Variants in LDB3 observed in about 807,000 individuals in gnomAD.
LDB3 encodes the protein LIM domain binding 3.
Under a neutral mutation model 69.0 loss-of-function variants are expected in LDB3, and 49 were observed. The observed-to-expected ratio is 0.71, with a 90% CI of 0.56 to 0.90. The LOEUF is 0.90. Among genes scored for constraint, LDB3 ranks in the 40% least tolerant of loss-of-function variants. LDB3 has a pLI of 0.00. For missense variants in LDB3, 928 were observed against 974.1 expected (o/e 0.95, Z 0.63); for synonymous variants, 387 against 396.2 (o/e 0.98, Z 0.28).
intron 2 of LDB3, among the ~76,000 whole-genome samples, chr10:86,670,805 C>T (rs1176111023): frequency 2.0e-5 from 3 of 152,226 alleles, no homozygotes; most frequent in African/African-American, 4.8e-5. Flanking sequence ...TCACCTAAGC[C>T]GCGGAGCAGG....
chr10:86,688,911 G>C (rs963351096), intron 5 of LDB3, among the ~76,000 whole-genome samples: 2 of 152,136 alleles, frequency 1.3e-5, no homozygotes, highest in Non-Finnish European at 2.9e-5. Flanking sequence ...GAGACTTCAC[G>C]AAGGACGTTT....
chr10:86,718,237 T>C, intron 11 of LDB3, 93 bp downstream of exon 11: 1 of 1,244,742 alleles, frequency 8.0e-7, no homozygotes, highest in Non-Finnish European at 1.2e-6. Flanking sequence ...AAGAAGTTGC[T>C]GGTAACAGAG....
chr10:86,707,233 G>A (rs561036805), intron 8 of LDB3, among the ~76,000 whole-genome samples: 3 of 152,094 alleles, frequency 2.0e-5, no homozygotes, highest in Non-Finnish European at 2.9e-5. Flanking sequence ...CCATGTTAAC[G>A]CCAGAGGCAC....
In LDB3 at chr10:86,735,958, G is replaced by A. The variant is rs1284988481; in HGVS notation, c.*2982G>A. On this transcript the variant is annotated 3_prime_UTR_variant, in exon 14 of 14. Transcript: ENST00000361373. The stretch of plus-strand genomic sequence containing the variant: ...TTGTTTTTGGAAACATTTCAGAAGT[G>A]GAATGTAGCCTGTTAAAGGTGTGCA... 6.6e-6 allele frequency: 1 copy of A among 151,328 alleles called. No homozygotes were observed. The highest frequency in any genetic ancestry group is 1.5e-5 in the Non-Finnish European group (1 of 67,886). The allele number at this position is 151,328 out of a possible 1,614,324, so 9.4% of individuals were successfully genotyped here.
intron 13 of LDB3, among the ~76,000 whole-genome samples, chr10:86,728,056 G>T (rs1330067684): frequency 7.2e-5 from 11 of 152,146 alleles, no homozygotes; most frequent in Admixed American, 7.2e-4. Context: ...AGACAATGGT[G>T]TAAGTATACT....
chr10:86,698,675 A>G (rs1846113769), intron 7 of LDB3, among the ~76,000 whole-genome samples: 2 of 152,192 alleles, frequency 1.3e-5, no homozygotes, highest in Non-Finnish European at 2.9e-5. Context: ...GCATGTGCCC[A>G]GGCTGTGCTC....
At chr10:86,722,157 A>C (rs1474147702) in intron 12 of LDB3, among the ~76,000 whole-genome samples, 5 of 152,262 alleles carry the variant, frequency 3.3e-5, no homozygotes, top group Admixed American at 6.5e-5. Flanking sequence ...CCAAATTTTA[A>C]AACAAAGCGA....
intron 2 of LDB3, among the ~76,000 whole-genome samples, chr10:86,677,122 T>C (rs1844835053): frequency 2.6e-5 from 4 of 152,166 alleles, no homozygotes; most frequent in African/African-American, 9.7e-5. Context: ...CCACAGCTTG[T>C]AGGGGGTGGG....
intron 5 of LDB3, among the ~76,000 whole-genome samples, chr10:86,684,437 G>A (rs765471338): frequency 3.9e-5 from 6 of 152,258 alleles, no homozygotes; most frequent in Non-Finnish European, 8.8e-5. Flanking sequence ...CTCTGCAGGG[G>A]GCCCTGGGCT....
At chr10:86,667,276 C>T (rs1844219672), upstream of LDB3, among the ~76,000 whole-genome samples, 1 of 152,144 alleles carries the variant, frequency 6.6e-6, no homozygotes, top group Admixed American at 6.5e-5. Context: ...ACCCAGGCCT[C>T]TACTGACTCC....
intron 13 of LDB3, among the ~76,000 whole-genome samples, chr10:86,729,641 T>C (rs1051897059): frequency 1.3e-5 from 2 of 152,302 alleles, no homozygotes; most frequent in Non-Finnish European, 2.9e-5. Flanking sequence ...TTGCCCCCTG[T>C]GCTGGGTGGG....
chr10:86,699,510 G>A lies in LDB3; in HGVS notation c.896+6939G>A, dbSNP rs554247120. 3.9e-4 allele frequency: 600 copies of A among 1,524,974 alleles called. 8 individuals are homozygous for A. In the South Asian group the frequency reaches 6.4e-3, roughly 16 times the overall value. 94.5% of individuals were successfully genotyped at this position (1,524,974 alleles called of 1,614,324 possible). ...CTGGGGGCACCTCTGATGGCCAACC[G>A]CAGCATTTCTGTCCTCTGCCCACCC... On this transcript the variant is annotated intron_variant, in intron 7 of 13. Coordinates refer to ENST00000361373, the MANE Select transcript of LDB3 (RefSeq NM_007078.3). This position sits in a 1 kb window ranked among gnomAD's most constrained non-coding sequence, Gnocchi z 4.9.
chr10:86,673,452 A>G (rs1345347887), intron 2 of LDB3, among the ~76,000 whole-genome samples: 2 of 152,160 alleles, frequency 1.3e-5, no homozygotes, highest in African/African-American at 4.8e-5. Context: ...GAAAGGAGAC[A>G]TGACAGGAGC....
intron 10 of LDB3, 84 bp from the exon 11 acceptor site, chr10:86,717,880 G>C: frequency 1.6e-6 from 2 of 1,289,090 alleles, no homozygotes; most frequent in Non-Finnish European, 2.2e-6. Flanking sequence ...TTGGGTAAAA[G>C]TATAAACAGT....
At chr10:86,677,201 T>C (rs773211503) in intron 2 of LDB3, among the ~76,000 whole-genome samples, 1 of 152,092 alleles carries the variant, frequency 6.6e-6, no homozygotes, top group African/African-American at 2.4e-5. Context: ...CATGATGTCA[T>C]GGGGGTTGGG....
chr10:86,718,405 C>T (rs1846954538), intron 11 of LDB3, among the ~76,000 whole-genome samples: 1 of 152,202 alleles, frequency 6.6e-6, no homozygotes, highest in Non-Finnish European at 1.5e-5. Context: ...ACAGCCTGAC[C>T]TTACCACTCA....
At chr10:86,709,160 G>A (rs529694256) in intron 8 of LDB3, among the ~76,000 whole-genome samples, 7 of 152,312 alleles carry the variant, frequency 4.6e-5, no homozygotes, top group South Asian at 4.1e-4. Flanking sequence ...TCAACAGGCC[G>A]CTGGATTCCA....
rs1368170549 is a variant in LDB3, at chr10:86,735,653, C to T, written c.*2677C>T. 3 of 151,812 alleles carry T rather than the reference C, an allele frequency of 2.0e-5. No homozygotes were observed. Among genetic ancestry groups the T allele is most frequent in the Non-Finnish European group, 2.9e-5 (2 of 67,998 alleles). The allele number at this position is 151,812 out of a possible 1,614,324, so 9.4% of individuals were successfully genotyped here. On this transcript the variant is annotated 3_prime_UTR_variant, in exon 14 of 14. Transcript: ENST00000361373. ...AAAATTAGCCAGGTGTGGTGGCAGG[C>T]GCCTGTAGTTCCAGCTACTTGGGAG...
chr10:86,674,513 C>T (rs1226792217), intron 2 of LDB3, among the ~76,000 whole-genome samples: 134 of 152,296 alleles, frequency 8.8e-4, no homozygotes, highest in Non-Finnish European at 1.2e-4. Context: ...CAAACACCTG[C>T]AGCCTTTCTT....
Sources: gnomAD v4.1 joint callset for allele counts (sites outside exome capture counted in the v4.1 genomes callset) on GRCh38, gnomAD v4.1.1 for gene constraint, Gnocchi (gnomAD v3.1) non-coding constraint, MANE v1.5 for transcripts, NCBI Gene and HGNC (gene_info 2026-07-23, HGNC 2026-07-21) for gene names.